TAPBPL: variants seen among roughly 807,000 people sequenced by gnomAD.
TAPBPL encodes tapasin-related protein.
A neutral mutation model predicts 44.8 loss-of-function variants in TAPBPL; 32 were observed. That is an observed-to-expected ratio of 0.71 (90% CI 0.54 to 0.96). TAPBPL has a LOEUF of 0.96. Ranked by LOEUF, TAPBPL falls within the 40% of genes least tolerant of loss-of-function variation. The pLI is 0.00. For missense variants in TAPBPL, 520 were observed against 586.6 expected, an observed-to-expected ratio of 0.89 and a Z score of 1.17; for synonymous variants, 230 against 240.7, an observed-to-expected ratio of 0.96 and a Z score of 0.41.
chr12:6,452,937 C>G lies in TAPBPL; in HGVS notation c.65-130C>G. The G allele has an allele frequency of 5.1e-6, 5 of 978,988 alleles. No homozygotes were observed. The South Asian group carries it at 8.3e-5, about 16-fold the overall frequency. 60.6% of individuals were successfully genotyped at this position (978,988 alleles called of 1,614,324 possible). On this transcript the variant is annotated intron_variant, in intron 1 of 6. Coordinates refer to ENST00000266556, the MANE Select transcript of TAPBPL (RefSeq NM_018009.5). ...GGGATGACGGGAGAATAGAGGGACA[C>G]AGAAACAGCTAGGATCTTGGATGGC...
downstream of TAPBPL, chr12:6,464,947 GA>G: frequency 6.2e-7 from 1 of 1,613,596 alleles, no homozygotes; most frequent in African/African-American, 1.3e-5. Flanking sequence ...ATCATCTGAG[GA>G]AACATGGACA....
At chr12:6,464,240 A>C, downstream of TAPBPL, 1 of 1,517,856 alleles carries the variant, frequency 6.6e-7, no homozygotes, top group Non-Finnish European at 8.8e-7. Context: ...GGCAGGGAGG[A>C]GGCGCCAGCT....
At chr12:6,465,844 T>G, downstream of TAPBPL, 1 of 1,614,044 alleles carries the variant, frequency 6.2e-7, no homozygotes, top group Non-Finnish European at 8.5e-7. Flanking sequence ...AAATTCACCT[T>G]GCAGTTTTTC....
downstream of TAPBPL, chr12:6,465,416 A>ATATATATAAATGTATATATATGTG (rs1565526278): frequency 1.1e-5 from 1 of 93,504 alleles, no homozygotes; most frequent in Non-Finnish European, 1.9e-5. Context: ...ATATATATGT[A>ATATATATAAATGTATATATATGTG]TATATATATA....
At position 6,452,108 on chromosome 12, in the gene TAPBPL, GC is replaced by G; in HGVS notation, c.-140del. Reference sequence around the variant, plus strand: ...AGTGAAAGTGAAAGAAAAGTCGGCAGCAGAGGGAACAGGGAAGAAACCTAAA... The same window carrying G: ...AGTGAAAGTGAAAGAAAAGTCGGCAGAGAGGGAACAGGGAAGAAACCTAAA... On this transcript the variant is annotated 5_prime_UTR_variant, in exon 1 of 7. Coordinates refer to ENST00000266556, the MANE Select transcript of TAPBPL (RefSeq NM_018009.5). 1.0e-6 allele frequency: 1 copy of G among 1,001,526 alleles called. No homozygotes were observed. Among genetic ancestry groups the G allele is most frequent in the South Asian group, 1.5e-5 (1 of 68,558 alleles). 62.0% of individuals were successfully genotyped at this position (1,001,526 alleles called of 1,614,324 possible).
At chr12:6,456,426 T>C (rs142208616) in intron 3 of TAPBPL, among the ~76,000 whole-genome samples, 4,174 of 150,520 alleles carry the variant, frequency 0.028, 124 homozygotes, top group East Asian at 0.12. Flanking sequence ...GTGCAATGGC[T>C]CGATCTTGGC....
At chr12:6,465,799 T>TG (rs1181049473), downstream of TAPBPL, 1 of 1,609,230 alleles carries the variant, frequency 6.2e-7, no homozygotes, top group Non-Finnish European at 8.5e-7. Context: ...CTTCTACCAG[T>TG]GGAAGCCCAG....
At chr12:6,466,463 G>A (rs1950028134), downstream of TAPBPL, 4 of 1,254,602 alleles carry the variant, frequency 3.2e-6, no homozygotes, top group Admixed American at 2.7e-5. Flanking sequence ...TGGGAGGAGC[G>A]CTTGAGCCCA....
rs751026545 is a variant in TAPBPL, at chr12:6,453,658, G to A, written c.507G>A (p.Ala169=). ...CTCCCAGGGTCACCAAGAATGAGGC[G>A]CTCTGGCACCCGACGCTGAACTTGC... The part of the protein sequence containing the change: ...MKTPRVTKNE[A]LWHPTLNLPL... The change falls in exon 3 of 7, where the codon GCG becomes GCA. Residue 169 remains alanine (A), a synonymous_variant. Coordinates refer to ENST00000266556, the MANE Select transcript of TAPBPL (RefSeq NM_018009.5). The surrounding 1 kb of genome is among the most constrained non-coding windows in gnomAD (Gnocchi z 4.8). 3.0e-5 allele frequency: 48 copies of A among 1,613,444 alleles called. No individual in the cohort carries two copies. Among genetic ancestry groups the A allele is most frequent in the Non-Finnish European group, 3.8e-5 (45 of 1,179,882 alleles).
chr12:6,455,313 T>G (rs1288070500), intron 3 of TAPBPL, among the ~76,000 whole-genome samples: 1 of 152,178 alleles, frequency 6.6e-6, no homozygotes, highest in Non-Finnish European at 1.5e-5. Context: ...CATGTATTAG[T>G]TTACAATGAA....
chr12:6,466,371 G>A, downstream of TAPBPL: 1 of 1,607,990 alleles, frequency 6.2e-7, no homozygotes, highest in Non-Finnish European at 8.5e-7. Flanking sequence ...GACATGTGCA[G>A]AGTACACAAA....
chr12:6,469,037 G>T (rs1236742441), downstream of TAPBPL, among the ~76,000 whole-genome samples: 1 of 152,170 alleles, frequency 6.6e-6, no homozygotes, highest in Non-Finnish European at 1.5e-5. Flanking sequence ...TTGATTAAGT[G>T]AATTTCTTTT....
At position 6,458,758 on chromosome 12, in the gene TAPBPL, C is replaced by T; in HGVS notation, c.1018C>T (p.Leu340=). The T allele has an allele frequency of 6.2e-7, 1 of 1,614,140 alleles. No individual in the cohort carries two copies. Among genetic ancestry groups the T allele is most frequent in the Non-Finnish European group, 8.5e-7 (1 of 1,180,036 alleles). The change falls in exon 5 of 7, where the codon CTG becomes TTG. Residue 340 remains leucine (L), a synonymous_variant. Transcript: ENST00000266556. The stretch of plus-strand genomic sequence containing the variant: ...GGTGGTGACGTGGACCCGAGAGGAG[C>T]TGGGTGGATCCCCAGCCCAAGTCTC... ...DVVVTWTREE[L]GGSPAQVSGA... is the part of the protein sequence containing the mutation.
downstream of TAPBPL, chr12:6,465,392 ATATATATAAATG>A (rs1435024573): frequency 5.0e-5 from 5 of 100,356 alleles, no homozygotes; most frequent in Admixed American, 1.1e-4. Flanking sequence ...ATATGTATAT[ATATATATAAATG>A]TATATATATG....
At chr12:6,454,673 C>T (rs574960151) in intron 3 of TAPBPL, among the ~76,000 whole-genome samples, 55 of 152,218 alleles carry the variant, frequency 3.6e-4, no homozygotes, top group African/African-American at 1.3e-3. Flanking sequence ...AGCCAAAACC[C>T]GGTTTTCTCC....
chr12:6,453,250 G>C lies in TAPBPL; in HGVS notation c.248G>C (p.Gly83Ala), dbSNP rs1352124792. The C allele has an allele frequency of 2.5e-6, 4 of 1,613,926 alleles. No homozygotes were observed. In the African/African-American group the frequency reaches 5.3e-5, roughly 22 times the overall value. Residue 83 changes from glycine (G) to alanine (A), a missense_variant, in exon 2 of 7, where the codon GGG (glycine) becomes GCG (alanine). Coordinates refer to ENST00000266556, the MANE Select transcript of TAPBPL (RefSeq NM_018009.5). This position sits in a 1 kb window ranked among gnomAD's most constrained non-coding sequence, Gnocchi z 4.8. ...CTGGAGGACTTCACCGATTTCCAAG[G>C]GGGCACACTGGCCCAAGATGACCCA... ...GSLEDFTDFQ[G>A]GTLAQDDPPI...
downstream of TAPBPL, chr12:6,463,851 A>C: frequency 5.6e-6 from 7 of 1,248,638 alleles, no homozygotes; most frequent in Non-Finnish European, 7.2e-6. This position sits in a 1 kb window ranked among gnomAD's most constrained non-coding sequence, Gnocchi z 4.0. Context: ...GTAAAGTTGT[A>C]AGATCCCCAA....
At chr12:6,463,164 A>G, downstream of TAPBPL, 1 of 1,443,908 alleles carries the variant, frequency 6.9e-7, no homozygotes, top group Non-Finnish European at 9.1e-7. The surrounding 1 kb of genome is among the most constrained non-coding windows in gnomAD (Gnocchi z 4.0). Flanking sequence ...AACCATGCAA[A>G]GAGGAGGAAG....
chr12:6,457,822 T>C (rs2136987483), intron 4 of TAPBPL, 78 bp downstream of exon 4: 5 of 1,402,646 alleles, frequency 3.6e-6, no homozygotes, highest in Non-Finnish European at 4.7e-6. Context: ...GGGACCCAAA[T>C]GCAAGAATGA....
Sources: gnomAD v4.1 joint callset for allele counts (sites outside exome capture counted in the v4.1 genomes callset) on GRCh38, gnomAD v4.1.1 for gene constraint, Gnocchi (gnomAD v3.1) non-coding constraint, MANE v1.5 for transcripts, NCBI Gene and HGNC (gene_info 2026-07-23, HGNC 2026-07-21) for gene names.